Variants in ODAD3 observed in about 807,000 individuals in gnomAD.
ODAD3 encodes outer dynein arm docking complex subunit 3.
Under a neutral mutation model 70.9 loss-of-function variants are expected in ODAD3, and 57 were observed. That is an observed-to-expected ratio of 0.80 (90% CI 0.65 to 1.00). ODAD3 has a LOEUF of 1.00. Among genes scored for constraint, ODAD3 ranks in the 50% least tolerant of loss-of-function variants. The pLI, the probability that ODAD3 is intolerant of heterozygous loss-of-function variation, is 0.00. For missense variants in ODAD3, 797 were observed against 763.9 expected, an observed-to-expected ratio of 1.04 and a Z score of -0.51; for synonymous variants, 327 against 315.9, an observed-to-expected ratio of 1.04 and a Z score of -0.37.
chr19:11,435,445 T>A, upstream of ODAD3: 1 of 360,366 alleles, frequency 2.8e-6, no homozygotes, highest in Non-Finnish European at 5.3e-6. Context: ...AAGATGGAGG[T>A]ACGCTGCGCC....
chr19:11,435,283 G>C, upstream of ODAD3: 2 of 1,118,166 alleles, frequency 1.8e-6, no homozygotes, highest in East Asian at 3.0e-5. Flanking sequence ...AACAGTGGGC[G>C]GGGTAGAGCC....
At position 11,433,990 on chromosome 19, in the gene ODAD3, G is replaced by A. The variant is rs552096849; in HGVS notation, c.244+783C>T. ...TCCCAGCACTTTGGGAGCCAAGGCC[G>A]TGGATCACTTGAGATCAGGAGTTCG... On this transcript the variant is annotated intron_variant, in intron 1 of 12. Coordinates refer to ENST00000356392, the MANE Select transcript of ODAD3 (RefSeq NM_145045.5). Among the ~76,000 whole-genome samples, 55 of 151,792 alleles carry A rather than the reference G, an allele frequency of 3.6e-4. 1 individual carries two copies. In the South Asian group the frequency reaches 9.0e-3, roughly 25 times the overall value.
rs201706198 is a variant in ODAD3, at chr19:11,433,339, C to T, written c.244+1434G>A. On this transcript the variant is annotated intron_variant, in intron 1 of 12. Transcript: ENST00000356392. ...TTTTTTGTATTTTTAGTAGAGACAG[C>T]GTTTCACCGTGTTGGCCATGCTGGT... Among the ~76,000 whole-genome samples, 25 of 152,096 alleles carry T rather than the reference C, an allele frequency of 1.6e-4. No individual in the cohort carries two copies. The East Asian group carries it at 4.1e-3, about 25-fold the overall frequency.
chr19:11,423,796 G>C, intron 8 of ODAD3, 81 bp downstream of exon 8: 1 of 1,442,378 alleles, frequency 6.9e-7, no homozygotes, highest in Admixed American at 1.9e-5. Flanking sequence ...AGGGTGTGTC[G>C]GTTTCACCGG....
rs1261789200 is a variant in ODAD3 at position 11,422,346 on chromosome 19, C to G, written c.1434+125G>C. 3 of 1,227,896 alleles carry G rather than the reference C, an allele frequency of 2.4e-6. No individual in the cohort carries two copies. Among genetic ancestry groups the G allele is most frequent in the Non-Finnish European group, 3.3e-6 (3 of 910,886 alleles). The allele number at this position is 1,227,896 out of a possible 1,614,324, so 76.1% of individuals were successfully genotyped here. ...CCCCTGTGGGCGGGGCCTCTGACGT[C>G]CGGGACAGAGGATGTGGCAGGCCAC... On this transcript the variant is annotated intron_variant, in intron 10 of 12. Coordinates refer to ENST00000356392, the MANE Select transcript of ODAD3 (RefSeq NM_145045.5). The surrounding 1 kb of genome is among the most constrained non-coding windows in gnomAD (Gnocchi z 4.6).
rs778543854 is a variant in ODAD3, at chr19:11,421,120, A to G, written c.1675+8T>C. On this transcript the variant is annotated splice_region_variant and intron_variant, in intron 12 of 12. Coordinates refer to ENST00000356392, the MANE Select transcript of ODAD3 (RefSeq NM_145045.5). ...ACCGCACCCCTTCATCCCCCCACCCATACTGACCAAAAAACTTGTCCTTGG... is the reference window on the plus strand; with the variant it reads ...ACCGCACCCCTTCATCCCCCCACCCGTACTGACCAAAAAACTTGTCCTTGG... The G allele has an allele frequency of 1.9e-6, 3 of 1,609,426 alleles. No homozygotes were observed. The South Asian group carries it at 3.3e-5, about 18-fold the overall frequency.
At chr19:11,427,829 G>A (rs887847889) in intron 3 of ODAD3, among the ~76,000 whole-genome samples, 3 of 151,662 alleles carry the variant, frequency 2.0e-5, no homozygotes, top group East Asian at 4.0e-4. Context: ...GGCTGGGCGC[G>A]GTGGCTCCCG....
rs1969122471 is a variant in ODAD3, at chr19:11,421,114, C to T, written c.1675+14G>A. 1.2e-6 allele frequency: 2 copies of T among 1,613,076 alleles called. No homozygotes were observed. Among genetic ancestry groups the T allele is most frequent in the African/African-American group, 1.3e-5 (1 of 74,854 alleles). ...GCCCCAACCGCACCCCTTCATCCCC[C>T]CACCCATACTGACCAAAAAACTTGT... On this transcript the variant is annotated intron_variant, in intron 12 of 12. Coordinates refer to ENST00000356392, the MANE Select transcript of ODAD3 (RefSeq NM_145045.5).
At chr19:11,424,150 G>T in intron 7 of ODAD3, 121 bp from the exon 8 acceptor site, 1 of 1,276,022 alleles carries the variant, frequency 7.8e-7, no homozygotes, top group African/African-American at 1.5e-5. Context: ...AGGGAAGGGA[G>T]AGGGCAAAAG....
chr19:11,423,332 G>A (rs1212990677), intron 8 of ODAD3, among the ~76,000 whole-genome samples: 1 of 152,214 alleles, frequency 6.6e-6, no homozygotes, highest in African/African-American at 2.4e-5. Context: ...CGGCCCCATC[G>A]GAGGAGCAGC....
At chr19:11,430,871 A>G (rs1969488472) in intron 2 of ODAD3, 28 bp downstream of exon 2, 1 of 1,613,622 alleles carries the variant, frequency 6.2e-7, no homozygotes, top group East Asian at 2.2e-5. Flanking sequence ...CGCCACGGGA[A>G]CCCTACACCC....
At chr19:11,435,507 G>A, upstream of ODAD3, 1 of 428,226 alleles carries the variant, frequency 2.3e-6, no homozygotes, top group South Asian at 1.8e-5. Flanking sequence ...TCACAGTCCT[G>A]CCCAAGATGG....
Position 11,426,928 on chromosome 19 carries a change from C to T in ODAD3, c.557G>A (p.Ser186Asn). 1 of 1,610,344 alleles carries T rather than the reference C, an allele frequency of 6.2e-7. No individual in the cohort carries two copies. Among genetic ancestry groups the T allele is most frequent in the Non-Finnish European group, 8.5e-7 (1 of 1,179,342 alleles). ...RRLEELQLQH[S>N]LRLLEMAEAQ... The stretch of plus-strand genomic sequence containing the variant: ...CTCCGCCATCTCCAGAAGGCGCAGG[C>T]TGTGCTGCAGCTGGAGCTCCTCCAG... Residue 186 changes from serine to asparagine, a missense_variant, in exon 4 of 13, where the codon AGC becomes AAC. Physicochemically the swap from Ser to Asn is conservative, Grantham distance 46. Coordinates refer to ENST00000356392, the MANE Select transcript of ODAD3 (RefSeq NM_145045.5).
Position 11,422,481 on chromosome 19 carries a change from T to C in ODAD3, c.1424A>G (p.His475Arg). The C allele has an allele frequency of 6.3e-7, 1 of 1,592,114 alleles. No individual in the cohort carries two copies. The highest frequency in any genetic ancestry group is 8.5e-7 in the Non-Finnish European group (1 of 1,170,696). ...CTGGGCGGGGCCTACCACAGTGATGTGGATCAGCTTGCTGGCCAGGTGCTC... is the reference window on the plus strand; with the variant it reads ...CTGGGCGGGGCCTACCACAGTGATGCGGATCAGCTTGCTGGCCAGGTGCTC... ...SLEHLASKLIHITVEDGRFAG... is the reference protein window; with the variant it reads ...SLEHLASKLIRITVEDGRFAG... The change falls in exon 10 of 13, where the codon CAC becomes CGC. Residue 475 changes from histidine to arginine, a missense_variant. His to Arg is a conservative substitution (Grantham distance 29, BLOSUM62 0). Transcript: ENST00000356392. The surrounding 1 kb of genome is among the most constrained non-coding windows in gnomAD (Gnocchi z 4.6).
chr19:11,427,033 T>TC lies in ODAD3; in HGVS notation c.451dup (p.Glu151GlyfsTer104). 1.3e-6 allele frequency: 2 copies of TC among 1,583,006 alleles called. No homozygotes were observed. The highest frequency in any genetic ancestry group is 1.7e-6 in the Non-Finnish European group (2 of 1,170,452). The stretch of plus-strand genomic sequence containing the variant: ...CTCCCTCAGCCGGTGGTCTAGGTGC[T>TC]CCAGGGCCTGCCGCAAGGAGGGGAG... On this transcript the variant is annotated frameshift_variant, in exon 4 of 13. Transcript: ENST00000356392. LOFTEE classifies it high-confidence loss of function.
chr19:11,423,154 GC>G (rs1414325893), intron 8 of ODAD3, among the ~76,000 whole-genome samples: 1 of 152,244 alleles, frequency 6.6e-6, no homozygotes, highest in African/African-American at 2.4e-5. Flanking sequence ...AAATCAAAGT[GC>G]CATCAATTTC....
Position 11,434,793 on chromosome 19 carries a change from T to A in ODAD3, c.224A>T (p.His75Leu). 1 of 1,613,508 alleles carries A rather than the reference T, an allele frequency of 6.2e-7. No homozygotes were observed. The highest frequency in any genetic ancestry group is 8.5e-7 in the Non-Finnish European group (1 of 1,179,536). Reference protein sequence around the residue: ...PSVHSQVAELHKKIQLLEGDR... With the variant: ...PSVHSQVAELLKKIQLLEGDR... ...CTTACCTAACAGTTGTATCTTTTTA[T>A]GTAACTCAGCCACCTGAGAGTGCAC... Residue 75 changes from histidine (H) to leucine (L), a missense_variant, in exon 1 of 13, where the codon CAT becomes CTT. Transcript: ENST00000356392.
At position 11,424,671 on chromosome 19, in the gene ODAD3, A is replaced by G. The variant is rs1262182756; in HGVS notation, c.964-642T>C. ...TATACCTATGTGTATATATGTATAT[A>G]TGTGTATATATACCTATGTGTATAT... On this transcript the variant is annotated intron_variant, in intron 7 of 12. Coordinates refer to ENST00000356392, the MANE Select transcript of ODAD3 (RefSeq NM_145045.5). Among the ~76,000 whole-genome samples, 3 of 77,564 alleles carry G rather than the reference A, an allele frequency of 3.9e-5. 1 individual carries two copies. Among genetic ancestry groups the G allele is most frequent in the African/African-American group, 2.6e-4 (3 of 11,552 alleles). 50.9% of individuals were successfully genotyped at this position (77,564 alleles called of 152,430 possible). A position where few individuals can be genotyped will look rare whatever the true frequency, so the allele number is the denominator to read the frequency against.
chr19:11,435,021 G>C lies in ODAD3; in HGVS notation c.-5C>G. 1.2e-6 allele frequency: 2 copies of C among 1,607,576 alleles called. No individual in the cohort carries two copies. The highest frequency in any genetic ancestry group is 1.7e-6 in the Non-Finnish European group (2 of 1,178,392). ...CCTGCACAGAGGAGATGTCATGATG[G>C]GGTTGGGGCTGAAGGCCCCTAGGGG... On this transcript the variant is annotated 5_prime_UTR_variant, in exon 1 of 13. Coordinates refer to ENST00000356392, the MANE Select transcript of ODAD3 (RefSeq NM_145045.5).
Sources: gnomAD v4.1 joint callset for allele counts (sites outside exome capture counted in the v4.1 genomes callset) on GRCh38, gnomAD v4.1.1 for gene constraint, Gnocchi (gnomAD v3.1) non-coding constraint, MANE v1.5 for transcripts, NCBI Gene and HGNC (gene_info 2026-07-23, HGNC 2026-07-21) for gene names.